FAM222A: variants seen among roughly 807,000 people sequenced by gnomAD.
The protein encoded by FAM222A is protein FAM222A.
In FAM222A, 7 loss-of-function variants were observed where a neutral mutation model predicts 25.8. That is an observed-to-expected ratio of 0.27 (90% CI 0.15 to 0.51). The LOEUF is 0.51. Ranked by LOEUF, FAM222A falls within the 20% of genes least tolerant of loss-of-function variation. FAM222A has a pLI of 0.97. For synonymous variants in FAM222A, 294 were observed against 298.8 expected (o/e 0.98, Z 0.17); for missense variants, 573 against 640.5 (o/e 0.89, Z 1.14).
chr12:109,744,420 T>A, intron 2 of FAM222A, 192 bp downstream of exon 2: 13 of 985,378 alleles, frequency 1.3e-5, no homozygotes, highest in Non-Finnish European at 1.6e-5. Context: ...TTTGGCCAGC[T>A]CCTGTGGAGC....
intron 2 of FAM222A, among the ~76,000 whole-genome samples, chr12:109,761,731 G>T (rs993248977): frequency 6.6e-6 from 1 of 152,144 alleles, no homozygotes; most frequent in Non-Finnish European, 1.5e-5. Context: ...CCTGGGTGTG[G>T]GTACTCTGCC....
In FAM222A at chr12:109,768,141, A is replaced by G; in HGVS notation, c.212A>G (p.Gln71Arg). Residue 71 changes from glutamine to arginine, a missense_variant, in exon 3 of 3, where the codon CAG becomes CGG. This residue lies in a region of FAM222A where 112 missense variants were observed against 154.6 expected (regional missense o/e 0.72). Transcript: ENST00000538780. ...KIFPTNIRVP[Q>R]HKHLSRTVNG... ...TTCCCCACCAACATCCGTGTGCCCC[A>G]GCACAAGCACCTCAGCCGCACAGTC... The G allele has an allele frequency of 6.2e-7, 1 of 1,613,964 alleles. No homozygotes were observed. The highest frequency in any genetic ancestry group is 8.5e-7 in the Non-Finnish European group (1 of 1,180,002).
intron 2 of FAM222A, among the ~76,000 whole-genome samples, chr12:109,754,030 T>G (rs1397067499): frequency 3.9e-5 from 6 of 152,100 alleles, no homozygotes; most frequent in Non-Finnish European, 8.8e-5. Flanking sequence ...ATCTCAACCC[T>G]GTTTAGGATT....
chr12:109,743,175 C>T (rs2136342431), intron 1 of FAM222A, among the ~76,000 whole-genome samples: 1 of 152,178 alleles, frequency 6.6e-6, no homozygotes, highest in Non-Finnish European at 1.5e-5. Context: ...AGGAAGGGAC[C>T]TCTAGGTAAG....
chr12:109,764,650 C>G (rs1888991893), intron 2 of FAM222A, among the ~76,000 whole-genome samples: 1 of 152,110 alleles, frequency 6.6e-6, no homozygotes, highest in African/African-American at 2.4e-5. Context: ...TCCCCGGCAG[C>G]TGCTTTTGCT....
chr12:109,750,479 A>AT (rs1888531562), intron 2 of FAM222A, among the ~76,000 whole-genome samples: 1 of 152,182 alleles, frequency 6.6e-6, no homozygotes, highest in Non-Finnish European at 1.5e-5. Context: ...AAAAACTAGG[A>AT]TATCAGTCTA....
chr12:109,746,859 A>G (rs1428399287), intron 2 of FAM222A, among the ~76,000 whole-genome samples: 1 of 152,216 alleles, frequency 6.6e-6, no homozygotes, highest in Non-Finnish European at 1.5e-5. Flanking sequence ...TTCACTTAGA[A>G]TAACATAAGT....
intron 1 of FAM222A, among the ~76,000 whole-genome samples, chr12:109,725,252 C>A (rs1887817620): frequency 6.6e-6 from 1 of 152,194 alleles, no homozygotes; most frequent in African/African-American, 2.4e-5. Flanking sequence ...ATACTGTGTG[C>A]TGTGCTAGGC....
intron 1 of FAM222A, among the ~76,000 whole-genome samples, chr12:109,725,310 T>C (rs1887818433): frequency 6.6e-6 from 1 of 152,130 alleles, no homozygotes; most frequent in African/African-American, 2.4e-5. Context: ...CTATGGTCCT[T>C]CTCACAGATG....
intron 2 of FAM222A, among the ~76,000 whole-genome samples, chr12:109,767,554 C>T (rs778371103): frequency 6.6e-5 from 10 of 152,104 alleles, no homozygotes; most frequent in Non-Finnish European, 1.5e-4. Flanking sequence ...TACCATACAG[C>T]GATGAGACAG....
At chr12:109,754,847 T>G (rs1184990237) in intron 2 of FAM222A, among the ~76,000 whole-genome samples, 2 of 152,088 alleles carry the variant, frequency 1.3e-5, no homozygotes, top group African/African-American at 4.8e-5. Context: ...TTTTAATTAA[T>G]TTTTAGTAGG....
intron 1 of FAM222A, among the ~76,000 whole-genome samples, chr12:109,718,775 T>A (rs1887696718): frequency 6.6e-6 from 1 of 152,256 alleles, no homozygotes. Flanking sequence ...CTCAGAAGGA[T>A]GTCGACTATA....
intron 2 of FAM222A, among the ~76,000 whole-genome samples, chr12:109,755,158 C>A (rs1888683566): frequency 1.3e-5 from 2 of 152,010 alleles, no homozygotes; most frequent in South Asian, 4.2e-4. Flanking sequence ...GTCACAATGT[C>A]TTTGGTCACT....
rs548112922 is a variant in FAM222A, at chr12:109,716,101, G to A, written c.-47+1204G>A. Reference sequence around the variant, plus strand: ...TTGTGAGGCTGCTTAAGTGAATGGCGGGCAAGTGAGGCCCATCAGTGCCAA... The same window carrying A: ...TTGTGAGGCTGCTTAAGTGAATGGCAGGCAAGTGAGGCCCATCAGTGCCAA... On this transcript the variant is annotated intron_variant, in intron 1 of 2. Coordinates refer to ENST00000538780, the MANE Select transcript of FAM222A (RefSeq NM_032829.3). 5.5e-4 allele frequency among the ~76,000 whole-genome samples: 84 copies of A among 152,260 alleles called. 3 individuals carry two copies. Among genetic ancestry groups the A allele is most frequent in the African/African-American group, 2.0e-3 (82 of 41,544 alleles).
chr12:109,749,136 C>T (rs542854665), intron 2 of FAM222A, among the ~76,000 whole-genome samples: 6 of 152,218 alleles, frequency 3.9e-5, no homozygotes, highest in Non-Finnish European at 4.4e-5. Context: ...GATGGAGTTT[C>T]GCTCTTGTTG....
chr12:109,758,781 C>G (rs913965530), intron 2 of FAM222A, among the ~76,000 whole-genome samples: 1 of 152,186 alleles, frequency 6.6e-6, no homozygotes, highest in African/African-American at 2.4e-5. Flanking sequence ...AGATGTGGAG[C>G]TGCTCCCCCT....
Position 109,768,950 on chromosome 12 carries a change from G to C in FAM222A, c.1021G>C (p.Val341Leu). Residue 341 changes from valine to leucine, a missense_variant, in exon 3 of 3, where the codon GTA (valine) becomes CTA (leucine). This residue lies in a region of FAM222A where 412 missense variants were observed against 407.0 expected (regional missense o/e 1.01). Coordinates refer to ENST00000538780, the MANE Select transcript of FAM222A (RefSeq NM_032829.3). ...CGVGLPTSFT[V>L]GQYFAAPWNS... Reference sequence around the variant, plus strand: ...CGTGGGGCTGCCCACCAGCTTCACCGTAGGCCAGTACTTTGCGGCCCCGTG... The same window carrying C: ...CGTGGGGCTGCCCACCAGCTTCACCCTAGGCCAGTACTTTGCGGCCCCGTG... 1 of 1,573,762 alleles carries C rather than the reference G, an allele frequency of 6.4e-7. No individual in the cohort carries two copies. The highest frequency in any genetic ancestry group is 1.1e-5 in the South Asian group (1 of 87,260).
chr12:109,732,004 CA>C (rs1887957811), intron 1 of FAM222A, among the ~76,000 whole-genome samples: 1 of 152,194 alleles, frequency 6.6e-6, no homozygotes, highest in African/African-American at 2.4e-5. Flanking sequence ...GCACCCTGGG[CA>C]AGCCACACCA....
chr12:109,734,078 G>T (rs1024676930), intron 1 of FAM222A: 6 of 152,176 alleles, frequency 3.9e-5, no homozygotes, highest in Non-Finnish European at 8.8e-5. Context: ...GGGTGGGGTG[G>T]TGCACAACTG....
Sources: gnomAD v4.1 joint callset for allele counts (sites outside exome capture counted in the v4.1 genomes callset) on GRCh38, gnomAD v4.1.1 for gene constraint, gnomAD v4.1.1 regional missense constraint, MANE v1.5 for transcripts, NCBI Gene and HGNC (gene_info 2026-07-23, HGNC 2026-07-21) for gene names.